Variants in NEBL observed in about 807,000 individuals in gnomAD.
NEBL encodes the protein nebulette, also known as LIM and SH3 protein 2.
A neutral mutation model predicts 140.2 loss-of-function variants in NEBL; 122 were observed. The observed-to-expected ratio is 0.87, with a 90% CI of 0.75 to 1.01. NEBL has a LOEUF of 1.01. NEBL is among the 50% of genes least tolerant of loss of function. The probability of loss-of-function intolerance (pLI) is 0.00; values close to 1 mark genes in which losing one functional copy is unlikely to be tolerated. For missense variants in NEBL, 1,365 were observed against 1,231.3 expected (o/e 1.11, Z -1.62); for synonymous variants, 436 against 398.9 (o/e 1.09, Z -1.11).
chr10:21,158,459 T>C (rs972400802), intron 2 of NEBL, among the ~76,000 whole-genome samples: 10 of 152,182 alleles, frequency 6.6e-5, no homozygotes, highest in African/African-American at 2.2e-4. Context: ...AGACACAGAA[T>C]GCCCATTTTG....
intron 2 of NEBL, among the ~76,000 whole-genome samples, chr10:21,132,136 C>T (rs1158468093): frequency 6.6e-6 from 1 of 152,136 alleles, no homozygotes; most frequent in Non-Finnish European, 1.5e-5. Context: ...AATCACTCCC[C>T]ATTATCCCTA....
chr10:21,084,293 T>C (rs1384546768), intron 2 of NEBL, among the ~76,000 whole-genome samples: 2 of 152,260 alleles, frequency 1.3e-5, no homozygotes, highest in Admixed American at 1.3e-4. Context: ...ATTCACAGAT[T>C]GCTTTATGTC....
chr10:20,952,904 C>CAAAAAAAAAAAAAAAAAAAAA (rs34713711), intron 4 of NEBL, among the ~76,000 whole-genome samples: 1 of 62,344 alleles, frequency 1.6e-5, no homozygotes, highest in Non-Finnish European at 2.8e-5. Context: ...GACCCTGTCT[C>CAAAAAAAAAAAAAAAAAAAAA]AAAAAAAAAA....
At chr10:20,856,583 G>A (rs1389861191) in intron 9 of NEBL, among the ~76,000 whole-genome samples, 1 of 152,092 alleles carries the variant, frequency 6.6e-6, no homozygotes, top group Middle Eastern at 3.2e-3. Context: ...ATATCTATGA[G>A]TCGTGGAGAA....
chr10:20,989,593 C>A (rs1433249229), intron 3 of NEBL, among the ~76,000 whole-genome samples: 1 of 151,970 alleles, frequency 6.6e-6, no homozygotes, highest in Non-Finnish European at 1.5e-5. Context: ...GGAGTGCTGG[C>A]CTTTCTGGAG....
At chr10:21,020,060 C>A in intron 3 of NEBL, 1 of 1,399,746 alleles carries the variant, frequency 7.1e-7, no homozygotes, top group South Asian at 1.2e-5. Context: ...CTCAGAAGAG[C>A]AGCCTTGTGA....
intron 26 of NEBL, among the ~76,000 whole-genome samples, chr10:20,803,169 G>A (rs190075947): frequency 4.7e-4 from 71 of 152,252 alleles, no homozygotes; most frequent in African/African-American, 1.7e-3. Flanking sequence ...AGCTAGACAG[G>A]AGAAATAAAT....
intron 2 of NEBL, among the ~76,000 whole-genome samples, chr10:21,134,232 A>G (rs1325818798): frequency 6.6e-6 from 1 of 152,088 alleles, no homozygotes; most frequent in Non-Finnish European, 1.5e-5. Flanking sequence ...TCTCAAGAAA[A>G]AAAAAAAAAA....
intron 3 of NEBL, among the ~76,000 whole-genome samples, chr10:21,013,215 G>A (rs1423598924): frequency 6.6e-6 from 1 of 152,158 alleles, no homozygotes; most frequent in African/African-American, 2.4e-5. Flanking sequence ...GAATTCATAT[G>A]TCCCCTTTGA....
rs1841150442 is a variant in NEBL at position 21,173,031 on chromosome 10, G to A, written c.70-554C>T. 6.6e-6 allele frequency among the ~76,000 whole-genome samples: 1 copy of A among 152,168 alleles called. No individual in the cohort carries two copies. Among genetic ancestry groups the A allele is most frequent in the South Asian group, 2.1e-4 (1 of 4,832 alleles). ...TTCTAAGGAAGCATTTGTATCTTCAGACGCAAATTTCCCCAGAACGCCCCT... is the reference window on the plus strand; with the variant it reads ...TTCTAAGGAAGCATTTGTATCTTCAAACGCAAATTTCCCCAGAACGCCCCT... On this transcript the variant is annotated intron_variant, in intron 1 of 6. Coordinates refer to the NEBL transcript ENST00000417816. This position sits in a 1 kb window ranked among gnomAD's most constrained non-coding sequence, Gnocchi z 5.7.
At chr10:21,071,086 C>A (rs1835798327) in intron 2 of NEBL, among the ~76,000 whole-genome samples, 1 of 151,796 alleles carries the variant, frequency 6.6e-6, no homozygotes, top group South Asian at 2.1e-4. Context: ...TCAGGAGGAT[C>A]ACTTGAGCCC....
chr10:20,791,009 G>T (rs562158523), intron 26 of NEBL, among the ~76,000 whole-genome samples: 152 of 152,304 alleles, frequency 1.0e-3, no homozygotes, highest in Admixed American at 2.0e-3. Flanking sequence ...ACAAATGGGG[G>T]ACAATGGCTT....
At chr10:20,950,820 C>G (rs977997727) in intron 4 of NEBL, among the ~76,000 whole-genome samples, 2 of 152,144 alleles carry the variant, frequency 1.3e-5, no homozygotes, top group Admixed American at 6.5e-5. Context: ...TCAAAAATGA[C>G]AGTGTTAAGA....
intron 3 of NEBL, among the ~76,000 whole-genome samples, chr10:20,979,351 A>AT (rs1485488132): frequency 6.6e-6 from 1 of 152,120 alleles, no homozygotes; most frequent in East Asian, 1.9e-4. Context: ...ACCTGGAAAA[A>AT]TGTACACCAA....
At chr10:20,933,729 C>T (rs1266513781) in intron 4 of NEBL, among the ~76,000 whole-genome samples, 2 of 152,158 alleles carry the variant, frequency 1.3e-5, no homozygotes, top group African/African-American at 4.8e-5. Context: ...CAGAGGGAGA[C>T]TCCATTTCAA....
At chr10:21,262,813 T>C (rs1842756442) in intron 1 of NEBL, among the ~76,000 whole-genome samples, 1 of 152,180 alleles carries the variant, frequency 6.6e-6, no homozygotes, top group Non-Finnish European at 1.5e-5. Flanking sequence ...GTGGGTGTAG[T>C]GGTTTTCCAG....
intron 2 of NEBL, among the ~76,000 whole-genome samples, chr10:21,046,419 A>G (rs2131842643): frequency 6.6e-6 from 1 of 152,356 alleles, no homozygotes; most frequent in South Asian, 2.1e-4. Context: ...TGATTTAGCC[A>G]TTACATAGTG....
intron 2 of NEBL, among the ~76,000 whole-genome samples, chr10:21,126,743 G>A (rs1037845965): frequency 6.6e-6 from 1 of 152,022 alleles, no homozygotes; most frequent in Non-Finnish European, 1.5e-5. Flanking sequence ...GGAGGCCGAG[G>A]CGGGTGGATC....
intron 4 of NEBL, among the ~76,000 whole-genome samples, chr10:20,939,897 T>C (rs1295862612): frequency 6.6e-6 from 1 of 152,110 alleles, no homozygotes; most frequent in Non-Finnish European, 1.5e-5. Context: ...ATCCTACATA[T>C]ATATGCACCC....
Sources: allele counts gnomAD v4.1 joint callset (sites outside exome capture counted in the v4.1 genomes callset), GRCh38; gene constraint gnomAD v4.1.1; non-coding constraint Gnocchi (gnomAD v3.1); transcripts MANE v1.5; gene names NCBI Gene and HGNC (gene_info 2026-07-23, HGNC 2026-07-21).